STAG1: variants seen among roughly 807,000 people sequenced by gnomAD.
The protein encoded by STAG1 is STAG1 cohesin complex component, also known as cohesin subunit SA-1.
In STAG1, 26 loss-of-function variants were observed where a neutral mutation model predicts 170.9. That is an observed-to-expected ratio of 0.15 (90% CI 0.11 to 0.21). The LOEUF (loss-of-function observed/expected upper bound fraction) is 0.21. STAG1 is among the 10% of genes least tolerant of loss of function. The probability of loss-of-function intolerance (pLI) is 1.00; values close to 1 mark genes in which losing one functional copy is unlikely to be tolerated. For synonymous variants in STAG1, 514 were observed against 497.7 expected (o/e 1.03, Z -0.44); for missense variants, 964 against 1,509.5 (o/e 0.64, Z 5.99).
intron 1 of STAG1, among the ~76,000 whole-genome samples, chr3:136,635,327 A>G (rs1940510041): frequency 6.6e-6 from 1 of 152,208 alleles, no homozygotes; most frequent in African/African-American, 2.4e-5. Flanking sequence ...TCAAAAATCA[A>G]TTAATATAAT....
At chr3:136,609,759 A>C (rs1360931913) in intron 3 of STAG1, among the ~76,000 whole-genome samples, 4 of 152,124 alleles carry the variant, frequency 2.6e-5, no homozygotes, top group African/African-American at 9.7e-5. Flanking sequence ...TTAAAGTGTA[A>C]ATGCTTTTTG....
rs1940352856 is a variant in STAG1, at chr3:136,632,065, T to C, written c.-83-1084A>G. On this transcript the variant is annotated intron_variant, in intron 1 of 33. Coordinates refer to ENST00000383202, the MANE Select transcript of STAG1 (RefSeq NM_005862.3). ...CAAAGATCAGTATCAGTCTTCCTAA[T>C]GGAAACTATGTAAGTTCAAAGACAA... Among the ~76,000 whole-genome samples the C allele has an allele frequency of 3.3e-5, 5 of 151,970 alleles. No individual in the cohort carries two copies. In the South Asian group the frequency reaches 6.2e-4, roughly 19 times the overall value.
intron 1 of STAG1, among the ~76,000 whole-genome samples, chr3:136,640,237 T>C (rs1940737996): frequency 6.6e-6 from 1 of 152,234 alleles, no homozygotes; most frequent in African/African-American, 2.4e-5. Context: ...GGAAAAGTTA[T>C]TTTATAACAA....
chr3:136,348,508 A>G (rs1936317972), intron 29 of STAG1, among the ~76,000 whole-genome samples: 1 of 152,182 alleles, frequency 6.6e-6, no homozygotes, highest in Admixed American at 6.5e-5. Context: ...TTCTGGGCTC[A>G]AGTGATTCTC....
intron 15 of STAG1, among the ~76,000 whole-genome samples, chr3:136,442,150 A>C (rs1364584244): frequency 6.6e-6 from 1 of 152,210 alleles, no homozygotes; most frequent in Non-Finnish European, 1.5e-5. Context: ...GTGAGCTGAG[A>C]ATGCGCCACT....
chr3:136,752,177 G>T lies in STAG1; in HGVS notation c.-84+18C>A. ...CTCTTTCCCGCCCCCCGCCGCCGTCGCCGCCGCCCGCACTCACCTCAGCTG... is the reference window on the plus strand; with the variant it reads ...CTCTTTCCCGCCCCCCGCCGCCGTCTCCGCCGCCCGCACTCACCTCAGCTG... On this transcript the variant is annotated intron_variant, in intron 1 of 33. Transcript: ENST00000383202. 6.5e-6 allele frequency: 1 copy of T among 153,098 alleles called. No individual in the cohort carries two copies. The highest frequency in any genetic ancestry group is 2.4e-5 in the African/African-American group (1 of 41,432). The allele number at this position is 153,098 out of a possible 1,614,324, so 9.5% of individuals were successfully genotyped here. A position where few individuals can be genotyped will look rare whatever the true frequency, so the allele number is the denominator to read the frequency against.
At chr3:136,725,446 C>T (rs1056879827) in intron 1 of STAG1, among the ~76,000 whole-genome samples, 3 of 152,130 alleles carry the variant, frequency 2.0e-5, no homozygotes, top group African/African-American at 7.2e-5. Context: ...CAATTTGGCA[C>T]TGAAAAGTTA....
At chr3:136,348,927 C>T (rs2108267702) in intron 29 of STAG1, 3 of 520,654 alleles carry the variant, frequency 5.8e-6, no homozygotes, top group Non-Finnish European at 1.0e-5. Flanking sequence ...TAATTTTTTC[C>T]TCTTTTGGGC....
intron 32 of STAG1, among the ~76,000 whole-genome samples, 158 bp downstream of exon 32, chr3:136,340,333 G>C (rs1935917739): frequency 6.6e-6 from 1 of 152,236 alleles, no homozygotes; most frequent in South Asian, 2.1e-4. Context: ...TATTGGTCAG[G>C]CTGGTTTCGA....
At chr3:136,506,124 G>C (rs1366257646) in intron 7 of STAG1, among the ~76,000 whole-genome samples, 8 of 152,190 alleles carry the variant, frequency 5.3e-5, no homozygotes, top group Non-Finnish European at 1.2e-4. Context: ...GTCTGAATTA[G>C]ATTTTAAACT....
intron 3 of STAG1, among the ~76,000 whole-genome samples, chr3:136,621,992 GAA>G (rs11360539): frequency 0.012 from 1,503 of 121,430 alleles, 17 homozygotes; most frequent in Non-Finnish European, 0.018. Context: ...TGGTGGTGTG[GAA>G]AAAAAAAAAA....
intron 4 of STAG1, among the ~76,000 whole-genome samples, chr3:136,574,886 C>T (rs1246180726): frequency 6.6e-6 from 1 of 152,120 alleles, no homozygotes; most frequent in East Asian, 1.9e-4. Context: ...CAAGTACAAA[C>T]AAGAATATTC....
intron 32 of STAG1, among the ~76,000 whole-genome samples, chr3:136,339,619 ATGT>A (rs1395339219): frequency 1.3e-5 from 2 of 152,226 alleles, no homozygotes; most frequent in Admixed American, 6.5e-5. Flanking sequence ...ATTAATTTCT[ATGT>A]ACCCATCACC....
intron 1 of STAG1, among the ~76,000 whole-genome samples, chr3:136,639,849 ATCTT>A (rs746241143): frequency 3.3e-5 from 5 of 152,198 alleles, no homozygotes; most frequent in East Asian, 3.8e-4. Context: ...CTGAAGACCA[ATCTT>A]TCTATTTTCA....
intron 4 of STAG1, among the ~76,000 whole-genome samples, chr3:136,577,482 G>GCT (rs931513111): frequency 6.6e-6 from 1 of 152,148 alleles, no homozygotes; most frequent in Non-Finnish European, 1.5e-5. Context: ...ATTTTGAATA[G>GCT]CTCTCCCCCA....
chr3:136,723,109 G>A (rs1343284993), intron 1 of STAG1, among the ~76,000 whole-genome samples: 6 of 152,206 alleles, frequency 3.9e-5, no homozygotes, highest in Admixed American at 1.3e-4. Context: ...CTGCCCGGCC[G>A]CAACGCCGTC....
At chr3:136,385,525 T>C (rs188177369) in intron 22 of STAG1, among the ~76,000 whole-genome samples, 179 of 152,374 alleles carry the variant, frequency 1.2e-3, no homozygotes, top group Non-Finnish European at 2.1e-3. Flanking sequence ...ATGTAAATCA[T>C]AGTATCTTGG....
rs554371116 is a variant in STAG1 at position 136,370,517 on chromosome 3, C to T, written c.2371-1235G>A. 2.0e-4 allele frequency among the ~76,000 whole-genome samples: 31 copies of T among 152,266 alleles called. No individual in the cohort carries two copies. In the East Asian group the frequency reaches 2.1e-3, roughly 10 times the overall value. ...TAATGCTATCCCTCACCACTCCCCC[C>T]ACCCCACAACAGTCCCCAGTGTGTG... On this transcript the variant is annotated intron_variant, in intron 23 of 33. Coordinates refer to ENST00000383202, the MANE Select transcript of STAG1 (RefSeq NM_005862.3).
rs67810422 is a variant in STAG1, at chr3:136,633,962, T to TAAAAAAAAAAAAAAAA, written c.-83-2997_-83-2982dup. 9.1e-4 allele frequency among the ~76,000 whole-genome samples: 46 copies of TAAAAAAAAAAAAAAAA among 50,352 alleles called. 12 individuals are homozygous for TAAAAAAAAAAAAAAAA. The highest frequency in any genetic ancestry group is 3.1e-3 in the East Asian group (2 of 648). 33.0% of individuals were successfully genotyped at this position (50,352 alleles called of 152,430 possible). On this transcript the variant is annotated intron_variant, in intron 1 of 33. Coordinates refer to ENST00000383202, the MANE Select transcript of STAG1 (RefSeq NM_005862.3). ...AACATGGTGAAACCCTGTCTCTACT[T>TAAAAAAAAAAAAAAAA]AAAAAAAAAAAAAAAAAAAAAAAAA... is the stretch of plus-strand genomic sequence containing the variant.
Sources: allele counts gnomAD v4.1 joint callset (sites outside exome capture counted in the v4.1 genomes callset), GRCh38; gene constraint gnomAD v4.1.1; transcripts MANE v1.5; gene names NCBI Gene and HGNC (gene_info 2026-07-23, HGNC 2026-07-21).